DPPA4: variants seen among roughly 807,000 people sequenced by gnomAD.
The protein encoded by DPPA4 is developmental pluripotency associated 4, also known as developmental pluripotency-associated protein 4.
In DPPA4, 22 loss-of-function variants were observed where a neutral mutation model predicts 33.7. The observed-to-expected ratio is 0.65, with a 90% CI of 0.47 to 0.93. The LOEUF (loss-of-function observed/expected upper bound fraction) is 0.93, where lower values mean the gene tolerates loss of function less well. Among genes scored for constraint, DPPA4 ranks in the 40% least tolerant of loss-of-function variants. The pLI is 0.00. For synonymous variants in DPPA4, 156 were observed against 132.3 expected (o/e 1.18, Z -1.23); for missense variants, 340 against 358.6 (o/e 0.95, Z 0.42).
At chr3:109,330,889 C>G in intron 4 of DPPA4, 77 bp from the exon 5 acceptor site, 1 of 1,061,074 alleles carries the variant, frequency 9.4e-7, no homozygotes. Flanking sequence ...AGCTCTTGAT[C>G]AAATACAAAG....
chr3:109,328,880 A>G lies in DPPA4; in HGVS notation c.878+10T>C, dbSNP rs1000439897. The G allele has an allele frequency of 6.2e-7, 1 of 1,604,192 alleles. No individual in the cohort carries two copies. On this transcript the variant is annotated intron_variant, in intron 6 of 6. Coordinates refer to ENST00000335658, the MANE Select transcript of DPPA4 (RefSeq NM_018189.4). ...CACTTTTAGTTTGTAGAAAAGCATCAGGTAATTACCTGTGAACACATTTGG... is the reference window on the plus strand; with the variant it reads ...CACTTTTAGTTTGTAGAAAAGCATCGGGTAATTACCTGTGAACACATTTGG...
chr3:109,333,468 T>G (rs1708127007), intron 2 of DPPA4: 1 of 189,156 alleles, frequency 5.3e-6, no homozygotes, highest in Non-Finnish European at 1.1e-5. Flanking sequence ...CTACTCTATG[T>G]AAATTTTAAC....
In DPPA4 at chr3:109,337,470, GC is replaced by G. The variant is rs1336294489; in HGVS notation, c.47del (p.Gly16AlafsTer78). On this transcript the variant is annotated frameshift_variant, in exon 1 of 7. Coordinates refer to ENST00000335658, the MANE Select transcript of DPPA4 (RefSeq NM_018189.4). LOFTEE classifies it high-confidence loss of function. ...CCACTAAAACTGTACTGACCTCCTT[GC>G]CTTTTGCCTTCTCCATACTTGTAGA... is the stretch of plus-strand genomic sequence containing the variant. ...ASSTSMEKAKGKEWTSTEKSR... is the reference protein window; with the variant it reads ...ASSTSMEKAKXKEWTSTEKSR... The G allele has an allele frequency of 6.2e-7, 1 of 1,613,968 alleles. No homozygotes were observed. Among genetic ancestry groups the G allele is most frequent in the South Asian group, 1.1e-5 (1 of 91,086 alleles).
Position 109,333,974 on chromosome 3 carries a change from G to C in DPPA4, c.74C>G (p.Ser25Trp). 1 of 1,614,006 alleles carries C rather than the reference G, an allele frequency of 6.2e-7. No homozygotes were observed. Among genetic ancestry groups the C allele is most frequent in the South Asian group, 1.1e-5 (1 of 91,054 alleles). ...AGAAGCCTGCTGATCCTCTTCCCTCGACTTCTCTGTGGAGGTCCACTGGGG... is the reference window on the plus strand; with the variant it reads ...AGAAGCCTGCTGATCCTCTTCCCTCCACTTCTCTGTGGAGGTCCACTGGGG... ...KGKEWTSTEKSREEDQQASNQ... is the reference protein window; with the variant it reads ...KGKEWTSTEKWREEDQQASNQ... The change falls in exon 2 of 7, where the codon TCG becomes TGG. Residue 25 changes from serine to tryptophan, a missense_variant. Ser to Trp is a radical substitution (Grantham distance 177). This residue lies in a region of DPPA4 where 96 missense variants were observed against 91.8 expected (regional missense o/e 1.05). Coordinates refer to ENST00000335658, the MANE Select transcript of DPPA4 (RefSeq NM_018189.4).
At chr3:109,331,230 C>T (rs1232496139) in intron 4 of DPPA4, among the ~76,000 whole-genome samples, 2 of 108,004 alleles carry the variant, frequency 1.9e-5, no homozygotes, top group Non-Finnish European at 3.4e-5. Context: ...GCCTGAACTG[C>T]AGCCTAAGTG....
chr3:109,336,238 G>A (rs981912243), intron 1 of DPPA4: 1 of 151,836 alleles, frequency 6.6e-6, no homozygotes, highest in African/African-American at 2.4e-5. Context: ...ATTAACATTT[G>A]TATGGCATTT....
At position 109,327,444 on chromosome 3, in the gene DPPA4, G is replaced by A. The variant is rs1458762759; in HGVS notation, c.*544C>T. The A allele has an allele frequency of 6.6e-6, 1 of 152,440 alleles. No homozygotes were observed. Among genetic ancestry groups the A allele is most frequent in the Non-Finnish European group, 1.5e-5 (1 of 68,258 alleles). 9.4% of individuals were successfully genotyped at this position (152,440 alleles called of 1,614,324 possible). ...CCCAGCATTTTGGGAGGCTGAGGAG[G>A]GTGATCACTTGAGTCCAGGAGTTTG... On this transcript the variant is annotated 3_prime_UTR_variant, in exon 7 of 7. Transcript: ENST00000335658.
At chr3:109,339,418 ATGTCTGGAGAAAACAG>A (rs1364005610), upstream of DPPA4, among the ~76,000 whole-genome samples, 26 of 152,262 alleles carry the variant, frequency 1.7e-4, no homozygotes, top group Admixed American at 3.9e-4. Flanking sequence ...GGTTGTGGGC[ATGTCTGGAGAAAACAG>A]TGTCTGGAGA....
chr3:109,331,191 T>C (rs1398963688), intron 4 of DPPA4, among the ~76,000 whole-genome samples: 1 of 123,624 alleles, frequency 8.1e-6, no homozygotes, highest in Non-Finnish European at 1.6e-5. Context: ...GACAGGGGCA[T>C]CACTTGAACC....
intron 1 of DPPA4, among the ~76,000 whole-genome samples, chr3:109,334,425 G>A (rs1378398375): frequency 2.6e-5 from 4 of 151,960 alleles, no homozygotes; most frequent in South Asian, 4.2e-4. Flanking sequence ...TGGTGTGTGC[G>A]TGTAGTCCAG....
intron 1 of DPPA4, among the ~76,000 whole-genome samples, chr3:109,335,407 C>T (rs1002738522): frequency 6.6e-6 from 1 of 151,712 alleles, no homozygotes; most frequent in South Asian, 2.1e-4. Flanking sequence ...ATTAAAGGCG[C>T]GAGCCACTGC....
intron 4 of DPPA4, among the ~76,000 whole-genome samples, 173 bp downstream of exon 4, chr3:109,331,561 A>G (rs1559708921): frequency 6.8e-6 from 1 of 147,544 alleles, no homozygotes. Flanking sequence ...AAAAAAAAAA[A>G]AAAAAAGAAA....
Position 109,327,914 on chromosome 3 carries a change from A to G in DPPA4, c.*74T>C. 9.2e-7 allele frequency: 1 copy of G among 1,088,972 alleles called. No homozygotes were observed. Among genetic ancestry groups the G allele is most frequent in the South Asian group, 1.3e-5 (1 of 78,544 alleles). The allele number at this position is 1,088,972 out of a possible 1,614,324, so 67.5% of individuals were successfully genotyped here. ...TGCAGAGGACCAGAGTTCACCTGTC[A>G]GCAGCACCGCAGAATCCAACTCTCC... On this transcript the variant is annotated 3_prime_UTR_variant, in exon 7 of 7. Coordinates refer to ENST00000335658, the MANE Select transcript of DPPA4 (RefSeq NM_018189.4).
chr3:109,331,748 AG>A lies in DPPA4; in HGVS notation c.375del (p.Tyr126ThrfsTer24). 1.2e-6 allele frequency: 2 copies of A among 1,614,038 alleles called. No individual in the cohort carries two copies. Among genetic ancestry groups the A allele is most frequent in the Non-Finnish European group, 1.7e-6 (2 of 1,179,984 alleles). ...LDAYKRLCAF[A>X]YPNQKDFPST... Reference sequence around the variant, plus strand: ...TAAAAAGTTACCTTTTGATTTGGGTAGGCAAAGGCACACAGGCGCTTATATG... The same window carrying A: ...TAAAAAGTTACCTTTTGATTTGGGTAGCAAAGGCACACAGGCGCTTATATG... On this transcript the variant is annotated frameshift_variant, in exon 4 of 7. Coordinates refer to ENST00000335658, the MANE Select transcript of DPPA4 (RefSeq NM_018189.4). LOFTEE classifies it high-confidence loss of function.
At chr3:109,337,573 C>T (rs1708241131), upstream of DPPA4, 2 of 1,543,182 alleles carry the variant, frequency 1.3e-6, no homozygotes, top group Non-Finnish European at 1.8e-6. Flanking sequence ...CCTCCCACTT[C>T]CTGCCGCCCG....
At position 109,329,005 on chromosome 3, in the gene DPPA4, C is replaced by A; in HGVS notation, c.763G>T (p.Ala255Ser). 1.2e-6 allele frequency: 2 copies of A among 1,614,078 alleles called. No homozygotes were observed. The highest frequency in any genetic ancestry group is 1.7e-6 in the Non-Finnish European group (2 of 1,180,032). ...CCTTCTTGCTTTTCTGGAACCCAGGCTTGACCAGCATGAAACTGCAGGTGA... is the reference window on the plus strand; with the variant it reads ...CCTTCTTGCTTTTCTGGAACCCAGGATTGACCAGCATGAAACTGCAGGTGA... Reference protein sequence around the residue: ...WVHLQFHAGQAWVPEKQEGRV... With the variant: ...WVHLQFHAGQSWVPEKQEGRV... The change falls in exon 6 of 7, where the codon GCC (alanine) becomes TCC (serine). Residue 255 changes from alanine to serine, a missense_variant. Transcript: ENST00000335658.
At chr3:109,333,013 G>A (rs1033048904) in intron 2 of DPPA4, among the ~76,000 whole-genome samples, 6 of 152,000 alleles carry the variant, frequency 3.9e-5, no homozygotes, top group Admixed American at 2.6e-4. Flanking sequence ...TTGAACCCGG[G>A]AGGCAGAGGT....
rs777578502 is a variant in DPPA4, at chr3:109,330,779, G to A, written c.424C>T (p.Arg142Trp). ...FPSTAKEAKI[R>W]KSLQKKLKVE... ...TTTAATTTTTTTTGCAATGATTTCC[G>A]GATTTTGGCCTCTTTTGCTGTGCTA... Residue 142 changes from arginine to tryptophan, a missense_variant, in exon 5 of 7, where the codon CGG becomes TGG. Arg to Trp is a moderately radical substitution (Grantham distance 101). Transcript: ENST00000335658. The A allele has an allele frequency of 3.7e-6, 6 of 1,613,168 alleles. No individual in the cohort carries two copies. Among genetic ancestry groups the A allele is most frequent in the Admixed American group, 3.3e-5 (2 of 59,858 alleles).
chr3:109,331,987 G>T lies in DPPA4; in HGVS notation c.223C>A (p.Pro75Thr). Residue 75 changes from proline to threonine, a missense_variant, in exon 3 of 7, where the codon CCT (proline) becomes ACT (threonine). Physicochemically the swap from Pro to Thr is conservative, Grantham distance 38. Transcript: ENST00000335658. The part of the protein sequence containing the change: ...KKAEHTDNPR[P>T]QKKIPIPPLP... ...GGAGGGATTGGTATCTTCTTCTGAG[G>T]TCTGGGGTTGTCAGTGTGCTCTGCC... The T allele has an allele frequency of 1.2e-6, 2 of 1,614,104 alleles. No individual in the cohort carries two copies. Among genetic ancestry groups the T allele is most frequent in the Non-Finnish European group, 1.7e-6 (2 of 1,179,974 alleles).
Sources: gnomAD v4.1 joint callset for allele counts (sites outside exome capture counted in the v4.1 genomes callset) on GRCh38, gnomAD v4.1.1 for gene constraint, gnomAD v4.1.1 regional missense constraint, MANE v1.5 for transcripts, NCBI Gene and HGNC (gene_info 2026-07-23, HGNC 2026-07-21) for gene names.